Variants in ANK3 observed in about 807,000 individuals in gnomAD.
The protein encoded by ANK3 is ankyrin 3.
A neutral mutation model predicts 370.9 loss-of-function variants in ANK3; 57 were observed. That is an observed-to-expected ratio of 0.15 (90% CI 0.12 to 0.19). The LOEUF is 0.19. Ranked by LOEUF, ANK3 falls within the 10% of genes least tolerant of loss-of-function variation. The pLI is 1.00. For synonymous variants in ANK3, 1,929 were observed against 1,946.3 expected, an observed-to-expected ratio of 0.99 and a Z score of 0.23; for missense variants, 4,439 against 5,302.1, an observed-to-expected ratio of 0.84 and a Z score of 5.06.
rs2058859581 is a variant in ANK3 at position 60,363,078 on chromosome 10, G to A, written c.114+26347C>T. ...TCCCTTGCAGCTGGGGTTGCGGCGG[G>A]CGGGCGGGGGAGGGGGGCGGGGGGC... On this transcript the variant is annotated intron_variant, in intron 1 of 43. Transcript: ENST00000280772. Among the ~76,000 whole-genome samples the A allele has an allele frequency of 2.1e-5, 3 of 142,318 alleles. No homozygotes were observed. In the South Asian group the frequency reaches 7.6e-4, roughly 36 times the overall value. 93.4% of individuals were successfully genotyped at this position (142,318 alleles called of 152,430 possible). A position where few individuals can be genotyped will look rare whatever the true frequency, so the allele number is the denominator to read the frequency against.
chr10:60,307,846 A>C (rs1019909666), intron 1 of ANK3, among the ~76,000 whole-genome samples: 6 of 152,240 alleles, frequency 3.9e-5, no homozygotes, highest in African/African-American at 1.4e-4. Context: ...TGTGTGTCAC[A>C]CATGAAACGC....
chr10:60,459,401 C>A (rs2064829133), intron 2 of ANK3, among the ~76,000 whole-genome samples: 1 of 152,140 alleles, frequency 6.6e-6, no homozygotes, highest in African/African-American at 2.4e-5. Flanking sequence ...CTAGGAACTT[C>A]AACCTGACAA....
chr10:60,519,805 C>T (rs998284023), intron 2 of ANK3, among the ~76,000 whole-genome samples: 7 of 151,996 alleles, frequency 4.6e-5, no homozygotes, highest in Admixed American at 6.6e-5. Flanking sequence ...AGAACCAAGG[C>T]ATAGAATCAT....
intron 7 of ANK3, among the ~76,000 whole-genome samples, chr10:60,249,436 A>C (rs1162581459): frequency 6.6e-6 from 1 of 152,204 alleles, no homozygotes; most frequent in Non-Finnish European, 1.5e-5. Flanking sequence ...CACTTCTGAC[A>C]AACCTGGAAC....
intron 11 of ANK3, 40 bp from the exon 12 acceptor site, chr10:60,203,140 C>G: frequency 6.6e-7 from 1 of 1,508,804 alleles, no homozygotes; most frequent in African/African-American, 1.4e-5. Context: ...GTTGGCTTAG[C>G]ATAAAAAAGG....
intron 8 of ANK3, among the ~76,000 whole-genome samples, chr10:60,221,126 G>A (rs1021396419): frequency 1.3e-5 from 2 of 151,250 alleles, no homozygotes; most frequent in Admixed American, 6.6e-5. Context: ...ATTGCTCAGG[G>A]TGGAGAGCAA....
chr10:60,618,219 T>G (rs1567182465), intron 1 of ANK3, among the ~76,000 whole-genome samples: 1 of 152,168 alleles, frequency 6.6e-6, no homozygotes, highest in Non-Finnish European at 1.5e-5. Context: ...TGCTATAATG[T>G]AGTCAGTCTC....
intron 2 of ANK3, among the ~76,000 whole-genome samples, chr10:60,426,766 T>C (rs1164812832): frequency 6.6e-6 from 1 of 152,122 alleles, no homozygotes; most frequent in East Asian, 1.9e-4. Context: ...AAAGCAAAAA[T>C]CAGCATCTTC....
At chr10:60,176,623 C>A (rs2095967250) in intron 18 of ANK3, among the ~76,000 whole-genome samples, 1 of 151,938 alleles carries the variant, frequency 6.6e-6, no homozygotes, top group Non-Finnish European at 1.5e-5. Flanking sequence ...ATTAGCCAGG[C>A]GTGGCGGTGC....
chr10:60,353,158 G>GT (rs1198062363), intron 1 of ANK3, among the ~76,000 whole-genome samples: 2,530 of 126,068 alleles, frequency 0.02, 51 homozygotes, highest in African/African-American at 0.042. Flanking sequence ...TTTTTGTTTT[G>GT]TTTTTTTTTT....
At chr10:60,724,377 G>A (rs989967812) in intron 1 of ANK3, among the ~76,000 whole-genome samples, 1 of 151,866 alleles carries the variant, frequency 6.6e-6, no homozygotes. Flanking sequence ...ATACTTCAAA[G>A]TTAACTTGGA....
At chr10:60,357,401 C>T (rs189524151) in intron 1 of ANK3, among the ~76,000 whole-genome samples, 1 of 152,302 alleles carries the variant, frequency 6.6e-6, no homozygotes, top group African/African-American at 2.4e-5. Context: ...TCCATCACCT[C>T]CCTCTTATCT....
At chr10:60,552,829 A>T (rs190894845) in intron 2 of ANK3, among the ~76,000 whole-genome samples, 1 of 152,154 alleles carries the variant, frequency 6.6e-6, no homozygotes. Flanking sequence ...AGATGATTGA[A>T]TCATGGGGGT....
chr10:60,706,155 A>T (rs2079614227), intron 1 of ANK3, among the ~76,000 whole-genome samples: 1 of 152,068 alleles, frequency 6.6e-6, no homozygotes, highest in African/African-American at 2.4e-5. Flanking sequence ...TTATTTTCTG[A>T]TTCTCTCTTG....
At chr10:60,409,736 C>T (rs2063522667) in intron 2 of ANK3, among the ~76,000 whole-genome samples, 2 of 152,130 alleles carry the variant, frequency 1.3e-5, no homozygotes, top group South Asian at 2.1e-4. Flanking sequence ...TGGAATGACT[C>T]ACAGCCTAGA....
At chr10:60,196,502 T>G (rs755535940) in intron 15 of ANK3, 25 bp downstream of exon 15, 2 of 1,515,358 alleles carry the variant, frequency 1.3e-6, no homozygotes. Flanking sequence ...AGTGGCCTGC[T>G]TCAGGGTGGC....
At chr10:60,196,287 TA>T (rs780449309) in intron 15 of ANK3, 44 bp from the exon 16 acceptor site, 2 of 1,544,470 alleles carry the variant, frequency 1.3e-6, no homozygotes, top group African/African-American at 2.7e-5. Context: ...AAAGGTGTCT[TA>T]AAACCAGAGG....
intron 1 of ANK3, among the ~76,000 whole-genome samples, chr10:60,385,217 A>G (rs760966216): frequency 8.6e-5 from 13 of 152,034 alleles, no homozygotes; most frequent in Non-Finnish European, 1.3e-4. Flanking sequence ...TGCTCCAGGA[A>G]TTCAAAAATA....
rs762250372 is a variant in ANK3 at position 60,074,576 on chromosome 10, A to G, written c.6305T>C (p.Phe2102Ser). Residue 2102 changes from phenylalanine (F) to serine (S), a missense_variant, in exon 37 of 44, where the codon TTT becomes TCT. Physicochemically the swap from Phe to Ser is radical, Grantham distance 155. This residue lies in a region of ANK3 where 679 missense variants were observed against 791.0 expected (regional missense o/e 0.86). Coordinates refer to ENST00000280772, the MANE Select transcript of ANK3 (RefSeq NM_020987.5). The part of the protein sequence containing the change: ...EKELCKMADS[F>S]FGTDTILESP... Reference sequence around the variant, plus strand: ...CTCTAAAATAGTATCTGTTCCAAAAAAGGAATCAGCCATTTTACACAATTC... The same window carrying G: ...CTCTAAAATAGTATCTGTTCCAAAAGAGGAATCAGCCATTTTACACAATTC... 5 of 1,614,148 alleles carry G rather than the reference A, an allele frequency of 3.1e-6. No homozygotes were observed. The highest frequency in any genetic ancestry group is 4.2e-6 in the Non-Finnish European group (5 of 1,180,002).
Sources: gnomAD v4.1 joint callset for allele counts (sites outside exome capture counted in the v4.1 genomes callset) on GRCh38, gnomAD v4.1.1 for gene constraint, gnomAD v4.1.1 regional missense constraint, MANE v1.5 for transcripts, NCBI Gene and HGNC (gene_info 2026-07-23, HGNC 2026-07-21) for gene names.